The following PISD variants were observed in gnomAD, a reference collection of about 807,000 sequenced individuals.
PISD encodes phosphatidylserine decarboxylase proenzyme, mitochondrial.
In PISD, 31 loss-of-function variants were observed where a neutral mutation model predicts 43.5. The ratio of observed to expected loss-of-function variants is 0.71; its 90% CI spans 0.54 to 0.96. PISD has a LOEUF of 0.96. PISD is among the 40% of genes least tolerant of loss of function. The pLI is 0.00. For missense variants in PISD, 523 were observed against 548.4 expected (o/e 0.95, Z 0.46); for synonymous variants, 259 against 228.7 (o/e 1.13, Z -1.20).
intron 3 of PISD, among the ~76,000 whole-genome samples, chr22:31,628,515 G>C (rs2073027711): frequency 6.6e-6 from 1 of 152,204 alleles, no homozygotes; most frequent in African/African-American, 2.4e-5. Flanking sequence ...GGAGTTTAGG[G>C]TTGTGACCAA....
intron 3 of PISD, among the ~76,000 whole-genome samples, chr22:31,632,984 T>C (rs1361567975): frequency 6.6e-6 from 1 of 152,202 alleles, no homozygotes; most frequent in Non-Finnish European, 1.5e-5. Context: ...GATTGAGAAC[T>C]TACTGTAACT....
intron 7 of PISD, among the ~76,000 whole-genome samples, chr22:31,620,189 C>T (rs1440070163): frequency 1.3e-5 from 2 of 152,238 alleles, no homozygotes; most frequent in African/African-American, 2.4e-5. Flanking sequence ...AGCAGACCTG[C>T]GAGTGCTGAC....
intron 1 of PISD, among the ~76,000 whole-genome samples, chr22:31,653,141 A>T (rs1883969521): frequency 6.6e-6 from 1 of 151,930 alleles, no homozygotes; most frequent in Non-Finnish European, 1.5e-5. Context: ...GAGAAAAAGC[A>T]TCTTACCATG....
chr22:31,661,695 T>C (rs1265193574), intron 1 of PISD, among the ~76,000 whole-genome samples: 1 of 152,128 alleles, frequency 6.6e-6, no homozygotes, highest in Non-Finnish European at 1.5e-5. Flanking sequence ...CCATAACATA[T>C]TGTTTTGAGA....
intron 1 of PISD, among the ~76,000 whole-genome samples, chr22:31,658,475 T>C (rs139837437): frequency 7.2e-4 from 109 of 152,332 alleles, no homozygotes; most frequent in Non-Finnish European, 1.4e-3. Flanking sequence ...ACTGAGATGG[T>C]CATATCAATC....
intron 3 of PISD, chr22:31,623,787 G>C: frequency 6.2e-7 from 1 of 1,614,134 alleles, no homozygotes; most frequent in Non-Finnish European, 8.5e-7. Flanking sequence ...TTTCAGAGCG[G>C]GTCTGGACAT....
At chr22:31,642,908 G>T (rs968953800) in intron 3 of PISD, among the ~76,000 whole-genome samples, 8 of 151,668 alleles carry the variant, frequency 5.3e-5, no homozygotes, top group Non-Finnish European at 1.2e-4. Flanking sequence ...TTCGAGACCA[G>T]CTTGACCAAC....
intron 3 of PISD, among the ~76,000 whole-genome samples, chr22:31,628,688 C>CT (rs571956330): frequency 1.3e-5 from 2 of 152,316 alleles, no homozygotes; most frequent in East Asian, 3.9e-4. Context: ...CAGGTAGTCT[C>CT]TAAGTCTTGG....
At chr22:31,651,900 A>T (rs1365365090) in intron 1 of PISD, among the ~76,000 whole-genome samples, 1 of 152,216 alleles carries the variant, frequency 6.6e-6, no homozygotes, top group African/African-American at 2.4e-5. Flanking sequence ...CCCCTTAATC[A>T]AAGAGGAAAT....
intron 1 of PISD, among the ~76,000 whole-genome samples, chr22:31,661,273 TAG>T (rs1569494817): frequency 6.6e-6 from 1 of 152,084 alleles, no homozygotes; most frequent in Admixed American, 6.6e-5. Flanking sequence ...CCCAAAACAA[TAG>T]GTTATCCTCT....
chr22:31,643,384 C>T (rs529408145), intron 3 of PISD, among the ~76,000 whole-genome samples: 3 of 152,212 alleles, frequency 2.0e-5, no homozygotes, highest in South Asian at 2.1e-4. Context: ...AAAATAATGA[C>T]GTTGGATTCT....
rs373015840 is a variant in PISD, at chr22:31,648,228, C to A, written c.194G>T (p.Arg65Leu). 7 of 1,611,880 alleles carry A rather than the reference C, an allele frequency of 4.3e-6. No individual in the cohort carries two copies. Among genetic ancestry groups the A allele is most frequent in the Non-Finnish European group, 5.9e-6 (7 of 1,179,562 alleles). Residue 65 changes from arginine to leucine, a missense_variant, in exon 3 of 8, where the codon CGT (arginine) becomes CTT (leucine). By Grantham distance (102) the Arg-to-Leu change is moderately radical. Transcript: ENST00000439502. The stretch of plus-strand genomic sequence containing the variant: ...TGTCACCAACAGAATGGGCAGGGGA[C>A]GCAGCAGGAACATGGTTCGGGCAGG... ...TAPARTMFLL[R>L]PLPILLVTGG...
At chr22:31,652,577 T>A (rs1461982623) in intron 1 of PISD, among the ~76,000 whole-genome samples, 1 of 151,026 alleles carries the variant, frequency 6.6e-6, no homozygotes, top group Non-Finnish European at 1.5e-5. Context: ...GAGGCCGAGG[T>A]GGGTGGATCA....
At chr22:31,627,143 G>C (rs1177581856) in intron 3 of PISD, among the ~76,000 whole-genome samples, 23 of 152,234 alleles carry the variant, frequency 1.5e-4, no homozygotes, top group Admixed American at 1.5e-3. Context: ...TTGGAGCCAG[G>C]ACAATAAGGT....
chr22:31,620,270 C>T (rs2072459659), intron 7 of PISD, among the ~76,000 whole-genome samples: 1 of 152,242 alleles, frequency 6.6e-6, no homozygotes, highest in Non-Finnish European at 1.5e-5. Context: ...TCACTCTCAC[C>T]TTTGACCATG....
chr22:31,630,069 G>A lies in PISD; in HGVS notation c.322-8184C>T, dbSNP rs1386901933. On this transcript the variant is annotated intron_variant, in intron 3 of 7. Transcript: ENST00000439502. The surrounding 1 kb of genome is among the most constrained non-coding windows in gnomAD (Gnocchi z 4.4). ...CATGCAGCGGCGTGCGTCTAGTGGGGCGACAACCCTGCCTTCCCTGCATTC... is the reference window on the plus strand; with the variant it reads ...CATGCAGCGGCGTGCGTCTAGTGGGACGACAACCCTGCCTTCCCTGCATTC... 6.6e-6 allele frequency: 1 copy of A among 152,122 alleles called. No individual in the cohort carries two copies. Among genetic ancestry groups the A allele is most frequent in the East Asian group, 1.9e-4 (1 of 5,172 alleles). The allele number at this position is 152,122 out of a possible 1,614,324, so 9.4% of individuals were successfully genotyped here. A position where few individuals can be genotyped will look rare whatever the true frequency, so the allele number is the denominator to read the frequency against.
At chr22:31,641,845 AT>A (rs1016942727) in intron 3 of PISD, among the ~76,000 whole-genome samples, 2 of 150,984 alleles carry the variant, frequency 1.3e-5, no homozygotes, top group African/African-American at 2.5e-5. Flanking sequence ...TAATGATAAA[AT>A]TTAAAAACTT....
At chr22:31,662,005 T>C (rs2074333773) in intron 1 of PISD, 139 bp downstream of exon 1, 1 of 748,108 alleles carries the variant, frequency 1.3e-6, no homozygotes, top group South Asian at 1.6e-5. Context: ...CACCTGCTCC[T>C]AAGCTCGAGG....
At chr22:31,621,238 A>C (rs2147619847) in intron 5 of PISD, 96 bp from the exon 6 acceptor site, 1 of 1,609,242 alleles carries the variant, frequency 6.2e-7, no homozygotes, top group East Asian at 2.2e-5. Flanking sequence ...GGGAGGCCCC[A>C]CATGCCAGCC....
Sources: gnomAD v4.1 joint callset for allele counts (sites outside exome capture counted in the v4.1 genomes callset) on GRCh38, gnomAD v4.1.1 for gene constraint, Gnocchi (gnomAD v3.1) non-coding constraint, MANE v1.5 for transcripts, NCBI Gene and HGNC (gene_info 2026-07-23, HGNC 2026-07-21) for gene names.